SLC45A4: variants seen among roughly 807,000 people sequenced by gnomAD.
SLC45A4 encodes polyamine-transporter SLC45A4.
SLC45A4 carries 32 observed loss-of-function variants against 63.7 expected under a neutral mutation model. That is an observed-to-expected ratio of 0.50 (90% CI 0.38 to 0.67). The LOEUF (loss-of-function observed/expected upper bound fraction) is 0.67, where lower values mean the gene tolerates loss of function less well. SLC45A4 is among the 30% of genes least tolerant of loss of function. The pLI is 0.00. For missense variants in SLC45A4, 1,027 were observed against 1,157.7 expected, an observed-to-expected ratio of 0.89 and a Z score of 1.64; for synonymous variants, 535 against 510.0, an observed-to-expected ratio of 1.05 and a Z score of -0.66.
chr8:141,213,181 G>C (rs964094506), intron 7 of SLC45A4, among the ~76,000 whole-genome samples: 9 of 141,426 alleles, frequency 6.4e-5, no homozygotes. Context: ...CACAGTGAGA[G>C]ATGGTTATCT....
rs1563664355 is a variant in SLC45A4 at position 141,272,028 on chromosome 8, T to TGCATTCACACACGTGTGCAACACACAC, written c.-400-17426_-400-17400dup. On this transcript the variant is annotated intron_variant, in intron 1 of 8. Transcript: ENST00000517878. Reference sequence around the variant, plus strand: ...TGCAACACACACCTGCGTACACACATGCATTCACACACGTGTGCAACACAC... The same window carrying TGCATTCACACACGTGTGCAACACACAC: ...TGCAACACACACCTGCGTACACACATGCATTCACACACGTGTGCAACACACACGCATTCACACACGTGTGCAACACAC... 3.3e-5 allele frequency among the ~76,000 whole-genome samples: 5 copies of TGCATTCACACACGTGTGCAACACACAC among 151,088 alleles called. No homozygotes were observed. In the South Asian group the frequency reaches 6.3e-4, roughly 19 times the overall value.
chr8:141,306,461 G>C (rs1216324691), intron 1 of SLC45A4, among the ~76,000 whole-genome samples: 1 of 132,086 alleles, frequency 7.6e-6, no homozygotes, highest in African/African-American at 2.8e-5. Flanking sequence ...TTCTCATCAA[G>C]TGGCTTCTGC....
At chr8:141,261,778 C>A (rs1273110398) in intron 1 of SLC45A4, among the ~76,000 whole-genome samples, 4 of 152,136 alleles carry the variant, frequency 2.6e-5, no homozygotes, top group East Asian at 3.9e-4. Flanking sequence ...GAATCAATAT[C>A]ATGAAAATGG....
At chr8:141,242,397 G>A (rs1346701753) in intron 2 of SLC45A4, among the ~76,000 whole-genome samples, 3 of 152,210 alleles carry the variant, frequency 2.0e-5, no homozygotes, top group African/African-American at 7.2e-5. Flanking sequence ...GGGAATGAAC[G>A]TGGCTCCTGG....
intron 1 of SLC45A4, among the ~76,000 whole-genome samples, chr8:141,296,666 T>C (rs1830564798): frequency 6.7e-6 from 1 of 149,708 alleles, no homozygotes; most frequent in African/African-American, 2.5e-5. Flanking sequence ...TGAAACCCCA[T>C]CCCTATTAAA....
At chr8:141,273,047 C>T (rs1388894283) in intron 1 of SLC45A4, among the ~76,000 whole-genome samples, 6 of 152,114 alleles carry the variant, frequency 3.9e-5, no homozygotes, top group African/African-American at 1.2e-4. Context: ...ATGCAGTGTC[C>T]GACACGTAGC....
intron 1 of SLC45A4, among the ~76,000 whole-genome samples, chr8:141,260,959 T>C (rs561083983): frequency 4.6e-5 from 7 of 152,286 alleles, no homozygotes; most frequent in African/African-American, 1.4e-4. Context: ...TGATGAACAT[T>C]GATGCAAAAA....
intron 5 of SLC45A4, 79 bp downstream of exon 5, chr8:141,217,932 C>G: frequency 6.8e-7 from 1 of 1,474,154 alleles, no homozygotes; most frequent in Non-Finnish European, 9.0e-7. Context: ...GAAGAGGCCC[C>G]CCGGCCCAGC....
At chr8:141,211,743 C>G in intron 8 of SLC45A4, 46 bp from the exon 9 acceptor site, 2 of 1,486,874 alleles carry the variant, frequency 1.3e-6, no homozygotes, top group Middle Eastern at 1.8e-4. Flanking sequence ...ACTGACTACA[C>G]TACCATTATC....
At chr8:141,290,258 T>C (rs1830299307) in intron 1 of SLC45A4, among the ~76,000 whole-genome samples, 1 of 152,050 alleles carries the variant, frequency 6.6e-6, no homozygotes, top group Admixed American at 6.6e-5. Context: ...CACGTGCAGG[T>C]ATCTGACCCC....
At chr8:141,244,172 C>T (rs574644406) in intron 2 of SLC45A4, among the ~76,000 whole-genome samples, 33 of 152,290 alleles carry the variant, frequency 2.2e-4, no homozygotes, top group Admixed American at 8.5e-4. Flanking sequence ...GGTTCTGTCT[C>T]GGGCACAGTG....
At chr8:141,257,467 T>A (rs558501403) in intron 1 of SLC45A4, among the ~76,000 whole-genome samples, 1 of 152,332 alleles carries the variant, frequency 6.6e-6, no homozygotes, top group African/African-American at 2.4e-5. Flanking sequence ...TTCTAAGAAA[T>A]CCTAATGACT....
At chr8:141,265,903 A>G (rs1298953508) in intron 1 of SLC45A4, among the ~76,000 whole-genome samples, 2 of 152,234 alleles carry the variant, frequency 1.3e-5, no homozygotes, top group Non-Finnish European at 2.9e-5. Context: ...ATGCACTCAG[A>G]CAAGCGAAAC....
At chr8:141,253,965 C>A (rs1019867199) in intron 2 of SLC45A4, 24 bp downstream of exon 2, 5 of 1,535,270 alleles carry the variant, frequency 3.3e-6, no homozygotes, top group Non-Finnish European at 3.5e-6. Context: ...GCGTTCACTG[C>A]GCACAGACGG....
At chr8:141,276,905 G>A (rs1202778304) in intron 1 of SLC45A4, among the ~76,000 whole-genome samples, 2 of 152,210 alleles carry the variant, frequency 1.3e-5, no homozygotes, top group Non-Finnish European at 2.9e-5. Flanking sequence ...GATATCACGG[G>A]CACCTTTCCA....
intron 8 of SLC45A4, 35 bp from the exon 9 acceptor site, chr8:141,211,732 C>A: frequency 6.6e-7 from 1 of 1,507,612 alleles, no homozygotes; most frequent in Non-Finnish European, 8.8e-7. Flanking sequence ...ATATTTTAGT[C>A]ACTGACTACA....
intron 1 of SLC45A4, among the ~76,000 whole-genome samples, chr8:141,307,011 A>C (rs1456668287): frequency 1.3e-5 from 2 of 152,204 alleles, no homozygotes; most frequent in African/African-American, 2.4e-5. Context: ...AGGTCTGTGA[A>C]CCTGAAGCCA....
intron 1 of SLC45A4, among the ~76,000 whole-genome samples, chr8:141,301,603 T>C (rs1400007946): frequency 6.6e-6 from 1 of 151,510 alleles, no homozygotes; most frequent in Non-Finnish European, 1.5e-5. Flanking sequence ...AAAGAAAAAT[T>C]AGCTGGGCAT....
rs1007022385 is a variant in SLC45A4 at position 141,212,135 on chromosome 8, G to GCCGCCCGCCCGC, written c.2301+50_2301+61dup. On this transcript the variant is annotated intron_variant, in intron 8 of 8. Coordinates refer to ENST00000517878, the MANE Select transcript of SLC45A4 (RefSeq NM_001286646.2). ...CTGCTCCCGCCCATGGCCTGGCCCC[G>GCCGCCCGCCCGC]CCGCCCGCCCGCCCGCCCACCCGCC... 1.1e-5 allele frequency: 6 copies of GCCGCCCGCCCGC among 545,764 alleles called. No individual in the cohort carries two copies. In the African/African-American group the frequency reaches 1.1e-4, roughly 10 times the overall value. 33.8% of individuals were successfully genotyped at this position (545,764 alleles called of 1,614,324 possible).
Sources: allele counts gnomAD v4.1 joint callset (sites outside exome capture counted in the v4.1 genomes callset), GRCh38; gene constraint gnomAD v4.1.1; transcripts MANE v1.5; gene names NCBI Gene and HGNC (gene_info 2026-07-23, HGNC 2026-07-21).